Variants in PPP3CA observed in about 807,000 individuals in gnomAD.
PPP3CA encodes the protein CAM-PRP catalytic subunit.
In PPP3CA, 14 loss-of-function variants were observed where a neutral mutation model predicts 66.5. The ratio of observed to expected loss-of-function variants is 0.21; its 90% CI spans 0.14 to 0.33. PPP3CA has a LOEUF of 0.33. Among genes scored for constraint, PPP3CA ranks in the 10% least tolerant of loss-of-function variants. The pLI, the probability that PPP3CA is intolerant of heterozygous loss-of-function variation, is 1.00. For synonymous variants in PPP3CA, 232 were observed against 226.2 expected (o/e 1.03, Z -0.23); for missense variants, 317 against 639.5 (o/e 0.50, Z 5.44).
chr4:101,264,278 C>A (rs1727099477), intron 1 of PPP3CA, among the ~76,000 whole-genome samples: 1 of 152,002 alleles, frequency 6.6e-6, no homozygotes, highest in African/African-American at 2.4e-5. Context: ...TATGACCCAG[C>A]ACTTTATTAG....
intron 2 of PPP3CA, among the ~76,000 whole-genome samples, chr4:101,147,264 C>G (rs1181183071): frequency 6.6e-6 from 1 of 152,078 alleles, no homozygotes; most frequent in South Asian, 2.1e-4. Flanking sequence ...CCCACTTGTT[C>G]TTTAGAGCAT....
At chr4:101,184,315 C>G (rs542921476) in intron 2 of PPP3CA, among the ~76,000 whole-genome samples, 1 of 152,268 alleles carries the variant, frequency 6.6e-6, no homozygotes, top group South Asian at 2.1e-4. Flanking sequence ...GGCCCAGAAT[C>G]AGTTCCCTGC....
chr4:101,299,974 AT>A (rs57816604), intron 1 of PPP3CA, among the ~76,000 whole-genome samples: 13,553 of 152,184 alleles, frequency 0.089, 1,988 homozygotes, highest in African/African-American at 0.31. Context: ...GGTGATCAAG[AT>A]AATAATCTCT....
At position 101,326,680 on chromosome 4, in the gene PPP3CA, T is replaced by C. The variant is rs1413025724; in HGVS notation, c.58+20059A>G. Among the ~76,000 whole-genome samples the C allele has an allele frequency of 3.3e-5, 5 of 152,308 alleles. No homozygotes were observed. The East Asian group carries it at 9.6e-4, about 29-fold the overall frequency. ...GTGTCCTGAAATAAATGCATCAAAA[T>C]GTTTCTTGCATGACAACACAAATCA... On this transcript the variant is annotated intron_variant, in intron 1 of 13. Transcript: ENST00000394854.
chr4:101,269,246 G>C (rs556434182), intron 1 of PPP3CA, among the ~76,000 whole-genome samples: 35 of 152,126 alleles, frequency 2.3e-4, no homozygotes, highest in African/African-American at 8.4e-4. Flanking sequence ...CCTTATGGAA[G>C]AATCATCTTT....
chr4:101,261,794 C>T (rs1013869148), intron 1 of PPP3CA, among the ~76,000 whole-genome samples: 1 of 151,864 alleles, frequency 6.6e-6, no homozygotes, highest in Admixed American at 6.6e-5. Flanking sequence ...CTCACACATT[C>T]TTCTGAAGAA....
intron 3 of PPP3CA, among the ~76,000 whole-genome samples, chr4:101,106,119 T>C (rs1312776289): frequency 6.6e-6 from 1 of 151,936 alleles, no homozygotes; most frequent in Non-Finnish European, 1.5e-5. Context: ...GCTAAAGAGA[T>C]GGAGACCAGC....
rs544419834 is a variant in PPP3CA at position 101,234,841 on chromosome 4, C to CA, written c.59-38726dup. On this transcript the variant is annotated intron_variant, in intron 1 of 13. Coordinates refer to ENST00000394854, the MANE Select transcript of PPP3CA (RefSeq NM_000944.5). ...TTTACTTAATCACAGCTTTTTTGCC[C>CA]AAAAAACATTCTCTGCTGGTTCATT... 2.0e-4 allele frequency among the ~76,000 whole-genome samples: 30 copies of CA among 151,384 alleles called. No homozygotes were observed. In the East Asian group the frequency reaches 3.5e-3, roughly 18 times the overall value.
At chr4:101,260,621 G>T (rs572379695) in intron 1 of PPP3CA, among the ~76,000 whole-genome samples, 1 of 151,986 alleles carries the variant, frequency 6.6e-6, no homozygotes, top group Admixed American at 6.6e-5. Context: ...TTAACTAAAC[G>T]ATGAATGCCA....
At chr4:101,091,887 AG>A (rs1729965355) in intron 6 of PPP3CA, among the ~76,000 whole-genome samples, 2 of 141,866 alleles carry the variant, frequency 1.4e-5, no homozygotes, top group African/African-American at 5.5e-5. Flanking sequence ...GAGGAGGAGG[AG>A]GAAGGAGGAG....
At chr4:101,114,993 A>G (rs918738013) in intron 2 of PPP3CA, among the ~76,000 whole-genome samples, 2 of 152,078 alleles carry the variant, frequency 1.3e-5, no homozygotes, top group African/African-American at 2.4e-5. Flanking sequence ...ATGTGTGTGT[A>G]TAAAGCCACC....
intron 1 of PPP3CA, among the ~76,000 whole-genome samples, chr4:101,204,642 A>G (rs1213666976): frequency 3.7e-5 from 2 of 53,764 alleles, no homozygotes; most frequent in Non-Finnish European, 1.7e-4. Flanking sequence ...TCTCAAAAAA[A>G]AAAAAAAAAA....
chr4:101,236,519 T>C (rs1256163166), intron 1 of PPP3CA, among the ~76,000 whole-genome samples: 1 of 151,892 alleles, frequency 6.6e-6, no homozygotes, highest in Admixed American at 6.6e-5. Context: ...CTAGTAAAAT[T>C]CAACAAAATT....
At chr4:101,111,054 T>C (rs1189871184) in intron 2 of PPP3CA, among the ~76,000 whole-genome samples, 2 of 152,190 alleles carry the variant, frequency 1.3e-5, no homozygotes, top group Non-Finnish European at 2.9e-5. Context: ...GCTTATTAGC[T>C]AACAAGTAAT....
At chr4:101,060,509 C>T (rs1728416177) in intron 10 of PPP3CA, among the ~76,000 whole-genome samples, 1 of 151,906 alleles carries the variant, frequency 6.6e-6, no homozygotes, top group South Asian at 2.1e-4. Context: ...GGATCTGTGC[C>T]TCTTGCAGAA....
At chr4:101,026,106 G>C in intron 13 of PPP3CA, 45 bp from the exon 14 acceptor site, 4 of 1,472,946 alleles carry the variant, frequency 2.7e-6, no homozygotes, top group Non-Finnish European at 3.7e-6. Flanking sequence ...ATTATCCAAA[G>C]GAAAACAAAG....
At chr4:101,131,092 T>C (rs1722415218) in intron 2 of PPP3CA, among the ~76,000 whole-genome samples, 1 of 151,532 alleles carries the variant, frequency 6.6e-6, no homozygotes, top group South Asian at 2.1e-4. Context: ...CAAATATTAG[T>C]GGGGCATGGT....
chr4:101,025,849 A>AAAT lies in PPP3CA; in HGVS notation c.*15_*16insATT. ...AAAAAAAAAAAAAAAAAAAAAAAAA[A>AAAT]GTGAACAGGAAGTGGTCACTGAATA... On this transcript the variant is annotated 3_prime_UTR_variant, in exon 14 of 14. Coordinates refer to ENST00000394854, the MANE Select transcript of PPP3CA (RefSeq NM_000944.5). The AAAT allele has an allele frequency of 1.7e-6, 2 of 1,195,694 alleles. No individual in the cohort carries two copies. Among genetic ancestry groups the AAAT allele is most frequent in the Non-Finnish European group, 2.3e-6 (2 of 884,650 alleles). 74.1% of individuals were successfully genotyped at this position (1,195,694 alleles called of 1,614,324 possible).
rs748997466 is a variant in PPP3CA, at chr4:101,083,258, G to A, written c.788C>T (p.Pro263Leu). ...GTGCTGTAAGAATTCACATACAGCC[G>A]GGTAACTGCCAGAGACAAAAAGAAA... ...VRGCSYFYSY[P>L]AVCEFLQHNN... Residue 263 changes from proline (P) to leucine (L), a missense_variant, in exon 7 of 14, where the codon CCG (proline) becomes CTG (leucine). Around this residue, in one of 3 missense-constraint regions of PPP3CA, gnomAD observed 201 missense variants for 501.4 expected, o/e 0.40. Transcript: ENST00000394854. The A allele has an allele frequency of 1.9e-6, 3 of 1,608,194 alleles. No homozygotes were observed. Among genetic ancestry groups the A allele is most frequent in the African/African-American group, 1.3e-5 (1 of 74,670 alleles).
Sources: gnomAD v4.1 joint callset for allele counts (sites outside exome capture counted in the v4.1 genomes callset) on GRCh38, gnomAD v4.1.1 for gene constraint, gnomAD v4.1.1 regional missense constraint, MANE v1.5 for transcripts, NCBI Gene and HGNC (gene_info 2026-07-23, HGNC 2026-07-21) for gene names.